Variants in DCDC2 observed in about 807,000 individuals in gnomAD.
DCDC2 encodes doublecortin domain containing 2, also known as doublecortin domain-containing protein 2.
A neutral mutation model predicts 50.2 loss-of-function variants in DCDC2; 40 were observed. The ratio of observed to expected loss-of-function variants is 0.80; its 90% CI spans 0.62 to 1.04. DCDC2 has a LOEUF of 1.04. Ranked by LOEUF, DCDC2 falls within the 50% of genes least tolerant of loss-of-function variation. The pLI is 0.00. For synonymous variants in DCDC2, 234 were observed against 210.6 expected, an observed-to-expected ratio of 1.11 and a Z score of -0.96; for missense variants, 570 against 581.9, an observed-to-expected ratio of 0.98 and a Z score of 0.21.
the DCDC2 span, among the ~76,000 whole-genome samples, chr6:24,373,120 G>A: frequency 6.6e-6 from 1 of 152,060 alleles, no homozygotes; most frequent in Non-Finnish European, 1.5e-5. Flanking sequence ...AGAAAAACAG[G>A]AACTCTCATC....
intron 2 of DCDC2, among the ~76,000 whole-genome samples, chr6:24,307,058 T>C (rs1050187843): frequency 3.9e-5 from 6 of 152,210 alleles, no homozygotes; most frequent in Admixed American, 3.9e-4. Context: ...ATTCAACACT[T>C]CACACTTCAA....
At chr6:24,205,812 T>C (rs1480834928) in intron 7 of DCDC2, among the ~76,000 whole-genome samples, 1 of 152,232 alleles carries the variant, frequency 6.6e-6, no homozygotes, top group African/African-American at 2.4e-5. Flanking sequence ...CAGCCTTCTC[T>C]TCTTCAGGCC....
intron 2 of DCDC2, among the ~76,000 whole-genome samples, chr6:24,352,302 C>T (rs1304922071): frequency 2.0e-5 from 3 of 152,130 alleles, no homozygotes; most frequent in Admixed American, 6.5e-5. Flanking sequence ...AGGTAGTATA[C>T]TTTAAACAGG....
chr6:24,299,150 C>G (rs768501283), intron 4 of DCDC2, among the ~76,000 whole-genome samples: 1 of 152,146 alleles, frequency 6.6e-6, no homozygotes, highest in African/African-American at 2.4e-5. Context: ...TGGAATACTA[C>G]GCAGCCAGGA....
intron 8 of DCDC2, among the ~76,000 whole-genome samples, chr6:24,202,158 C>T (rs895093223): frequency 1.3e-5 from 2 of 152,076 alleles, no homozygotes; most frequent in Non-Finnish European, 2.9e-5. Flanking sequence ...ATCCTGATAC[C>T]AAAACCTGGC....
the DCDC2 span, among the ~76,000 whole-genome samples, chr6:24,381,084 GAAAAAA>G: frequency 1.1e-5 from 1 of 91,790 alleles, no homozygotes; most frequent in African/African-American, 3.6e-5. Flanking sequence ...CTTGTCTCAA[GAAAAAA>G]AAAAAAAAGA....
At chr6:24,315,644 A>G (rs1759647026) in intron 2 of DCDC2, among the ~76,000 whole-genome samples, 1 of 152,120 alleles carries the variant, frequency 6.6e-6, no homozygotes, top group South Asian at 2.1e-4. Context: ...ATAAGAAATC[A>G]AACCAAAAAA....
At chr6:24,216,583 T>C (rs189552007) in intron 7 of DCDC2, among the ~76,000 whole-genome samples, 20 of 152,334 alleles carry the variant, frequency 1.3e-4, no homozygotes, top group African/African-American at 4.3e-4. Context: ...GACCATAGTC[T>C]TGTCAACCTA....
chr6:24,267,986 G>A (rs1205471526), intron 7 of DCDC2, among the ~76,000 whole-genome samples: 2 of 152,128 alleles, frequency 1.3e-5, no homozygotes, highest in South Asian at 4.1e-4. Context: ...GTACCCCAAC[G>A]CTTCTCAAGT....
intron 7 of DCDC2, among the ~76,000 whole-genome samples, chr6:24,234,209 G>A (rs1762396145): frequency 6.9e-6 from 1 of 145,418 alleles, no homozygotes; most frequent in Non-Finnish European, 1.5e-5. Flanking sequence ...GTATGAGGAA[G>A]GAGAATTTTA....
intron 2 of DCDC2, among the ~76,000 whole-genome samples, chr6:24,341,334 C>G (rs1392884166): frequency 6.6e-6 from 1 of 152,162 alleles, no homozygotes; most frequent in Non-Finnish European, 1.5e-5. Flanking sequence ...TTTCAACAAA[C>G]CAAACATCCA....
At chr6:24,282,138 C>G (rs1763488056) in intron 6 of DCDC2, among the ~76,000 whole-genome samples, 1 of 152,200 alleles carries the variant, frequency 6.6e-6, no homozygotes, top group Non-Finnish European at 1.5e-5. Flanking sequence ...CCCTTTGTCT[C>G]ACATGCATAT....
chr6:24,370,120 G>T, the DCDC2 span, among the ~76,000 whole-genome samples: 1 of 152,100 alleles, frequency 6.6e-6, no homozygotes, highest in African/African-American at 2.4e-5. Flanking sequence ...GAAAGAAAAA[G>T]GTTGTCATAC....
At chr6:24,293,442 C>A (rs1394406243) in intron 4 of DCDC2, among the ~76,000 whole-genome samples, 1 of 152,082 alleles carries the variant, frequency 6.6e-6, no homozygotes, top group Non-Finnish European at 1.5e-5. Context: ...CCCAAGAGAG[C>A]AGCAACCAAA....
At chr6:24,235,430 A>C (rs568914970) in intron 7 of DCDC2, among the ~76,000 whole-genome samples, 1 of 152,354 alleles carries the variant, frequency 6.6e-6, no homozygotes, top group Admixed American at 6.5e-5. Flanking sequence ...CCAGCAGCAC[A>C]TCAAAAGGTT....
the DCDC2 span, among the ~76,000 whole-genome samples, chr6:24,365,335 A>G: frequency 2.6e-5 from 4 of 152,202 alleles, no homozygotes; most frequent in African/African-American, 9.6e-5. Flanking sequence ...CTCGTCACCC[A>G]GGTTGGAGTG....
chr6:24,174,508 T>G lies in DCDC2; in HGVS notation c.*222A>C. 2.9e-6 allele frequency: 1 copy of G among 340,472 alleles called. No homozygotes were observed. Among genetic ancestry groups the G allele is most frequent in the Non-Finnish European group, 5.3e-6 (1 of 188,664 alleles). 21.1% of individuals were successfully genotyped at this position (340,472 alleles called of 1,614,324 possible). A position where few individuals can be genotyped will look rare whatever the true frequency, so the allele number is the denominator to read the frequency against. Reference sequence around the variant, plus strand: ...CTCCTCTGTCCGTCTTATTTAATATTTCTATATGACTTTTAAAACACATGC... The same window carrying G: ...CTCCTCTGTCCGTCTTATTTAATATGTCTATATGACTTTTAAAACACATGC... On this transcript the variant is annotated 3_prime_UTR_variant, in exon 10 of 10. Transcript: ENST00000378454.
chr6:24,315,623 T>C (rs1295689857), intron 2 of DCDC2, among the ~76,000 whole-genome samples: 1 of 151,948 alleles, frequency 6.6e-6, no homozygotes, highest in Non-Finnish European at 1.5e-5. Context: ...GGGTTAGTGA[T>C]ACACAAAAAA....
intron 7 of DCDC2, among the ~76,000 whole-genome samples, chr6:24,265,970 T>G (rs185636646): frequency 6.6e-6 from 1 of 150,938 alleles, no homozygotes; most frequent in African/African-American, 2.4e-5. Context: ...AAAATAAAAT[T>G]GACAAATTTT....
Sources: gnomAD v4.1 joint callset for allele counts (sites outside exome capture counted in the v4.1 genomes callset) on GRCh38, gnomAD v4.1.1 for gene constraint, MANE v1.5 for transcripts, NCBI Gene and HGNC (gene_info 2026-07-23, HGNC 2026-07-21) for gene names.